SHISA6: variants seen among roughly 807,000 people sequenced by gnomAD.
SHISA6 encodes the protein protein shisa-6.
A neutral mutation model predicts 47.9 loss-of-function variants in SHISA6; 22 were observed. The ratio of observed to expected loss-of-function variants is 0.46; its 90% CI spans 0.33 to 0.66. The LOEUF (loss-of-function observed/expected upper bound fraction) is 0.66. Among genes scored for constraint, SHISA6 ranks in the 30% least tolerant of loss-of-function variants. The pLI, the probability that SHISA6 is intolerant of heterozygous loss-of-function variation, is 0.02. For missense variants in SHISA6, 680 were observed against 764.6 expected, an observed-to-expected ratio of 0.89 and a Z score of 1.30; for synonymous variants, 388 against 337.8, an observed-to-expected ratio of 1.15 and a Z score of -1.63.
intron 3 of SHISA6, among the ~76,000 whole-genome samples, chr17:11,461,827 G>T (rs1333153393): frequency 6.6e-6 from 1 of 152,182 alleles, no homozygotes; most frequent in African/African-American, 2.4e-5. Flanking sequence ...CTTACGAAAA[G>T]CATGCTCTCC....
At position 11,364,002 on chromosome 17, in the gene SHISA6, A is replaced by T. The variant is rs373417655; in HGVS notation, c.800-15412A>T. Among the ~76,000 whole-genome samples the T allele has an allele frequency of 4.6e-5, 7 of 152,196 alleles. No homozygotes were observed. In the East Asian group the frequency reaches 9.6e-4, roughly 21 times the overall value. On this transcript the variant is annotated intron_variant, in intron 2 of 5. Coordinates refer to ENST00000441885, the MANE Select transcript of SHISA6 (RefSeq NM_207386.4). ...ACAGAGCTGGAGCACTGCCACCTCA[A>T]TAAAGCTGTTTCCTTCTACCACCAG... is the stretch of plus-strand genomic sequence containing the variant.
At chr17:11,461,770 C>T (rs541878759) in intron 3 of SHISA6, among the ~76,000 whole-genome samples, 41 of 152,074 alleles carry the variant, frequency 2.7e-4, no homozygotes, top group African/African-American at 8.9e-4. Context: ...AGTTTGAGAG[C>T]CCAGTAGAGG....
chr17:11,492,006 T>C (rs549185471), intron 3 of SHISA6, among the ~76,000 whole-genome samples: 47 of 152,220 alleles, frequency 3.1e-4, no homozygotes, highest in African/African-American at 1.1e-3. Flanking sequence ...CTTGACCTCA[T>C]GATCCACCCT....
At chr17:11,483,660 A>T (rs1473174) in intron 3 of SHISA6, among the ~76,000 whole-genome samples, 41,858 of 149,880 alleles carry the variant, frequency 0.28, 5,850 homozygotes, top group African/African-American at 0.34. Flanking sequence ...AACAGTCCTA[A>T]CTATTTACAC....
At chr17:11,413,357 T>C (rs1325965418) in intron 3 of SHISA6, among the ~76,000 whole-genome samples, 1 of 152,206 alleles carries the variant, frequency 6.6e-6, no homozygotes, top group East Asian at 1.9e-4. Context: ...ACCCTCATAG[T>C]TGCTTGATGG....
At chr17:11,462,337 G>A (rs922776905) in intron 3 of SHISA6, among the ~76,000 whole-genome samples, 3 of 152,194 alleles carry the variant, frequency 2.0e-5, no homozygotes, top group African/African-American at 7.2e-5. Context: ...GGGCAAAGAT[G>A]CTTGTCTGTG....
At chr17:11,411,881 A>C (rs1914131158) in intron 3 of SHISA6, among the ~76,000 whole-genome samples, 2 of 152,176 alleles carry the variant, frequency 1.3e-5, no homozygotes, top group Non-Finnish European at 2.9e-5. Context: ...GGATTCTAAT[A>C]GGTGTGTTCA....
chr17:11,271,108 G>A (rs189776456), intron 2 of SHISA6, among the ~76,000 whole-genome samples: 5 of 152,064 alleles, frequency 3.3e-5, no homozygotes, highest in African/African-American at 1.2e-4. Context: ...AGGCGGGAAG[G>A]GTGTGAAACA....
intron 3 of SHISA6, among the ~76,000 whole-genome samples, chr17:11,437,464 C>T (rs1914971664): frequency 6.6e-6 from 1 of 152,208 alleles, no homozygotes; most frequent in African/African-American, 2.4e-5. Flanking sequence ...GTGCCTGCTA[C>T]TGTGACGAAC....
intron 3 of SHISA6, among the ~76,000 whole-genome samples, chr17:11,392,648 C>A (rs1352659128): frequency 6.6e-6 from 1 of 152,134 alleles, no homozygotes; most frequent in South Asian, 2.1e-4. Flanking sequence ...GAATCGTGAG[C>A]GAAATAAACC....
At chr17:11,557,325 G>A (rs1340348516) in intron 5 of SHISA6, among the ~76,000 whole-genome samples, 1 of 152,202 alleles carries the variant, frequency 6.6e-6, no homozygotes, top group Non-Finnish European at 1.5e-5. Flanking sequence ...TTCTGTTTCA[G>A]GACCATGGTG....
chr17:11,535,603 C>G (rs2071779793), intron 3 of SHISA6, among the ~76,000 whole-genome samples: 1 of 152,172 alleles, frequency 6.6e-6, no homozygotes, highest in Non-Finnish European at 1.5e-5. Flanking sequence ...AAACCTAGAT[C>G]CCACTAGAAA....
At chr17:11,300,201 C>T (rs1037292754) in intron 2 of SHISA6, among the ~76,000 whole-genome samples, 8 of 151,194 alleles carry the variant, frequency 5.3e-5, no homozygotes, top group Non-Finnish European at 7.4e-5. Flanking sequence ...AAAGGCAACA[C>T]CTTCACAGGT....
intron 1 of SHISA6, among the ~76,000 whole-genome samples, chr17:11,252,489 C>T (rs554182440): frequency 1.3e-5 from 2 of 152,202 alleles, no homozygotes; most frequent in Admixed American, 6.5e-5. Flanking sequence ...AAAGGCTTGG[C>T]GGAGGGAGGG....
intron 2 of SHISA6, among the ~76,000 whole-genome samples, chr17:11,301,555 G>A (rs1304374537): frequency 6.6e-6 from 1 of 152,200 alleles, no homozygotes; most frequent in Non-Finnish European, 1.5e-5. Flanking sequence ...CACCGTGCAT[G>A]AATGAGTCTT....
chr17:11,549,045 C>T lies in SHISA6; in HGVS notation c.896-2851C>T, dbSNP rs774179373. 2.6e-5 allele frequency among the ~76,000 whole-genome samples: 4 copies of T among 152,292 alleles called. No homozygotes were observed. In the South Asian group the frequency reaches 6.2e-4, roughly 24 times the overall value. On this transcript the variant is annotated intron_variant, in intron 3 of 5. Coordinates refer to ENST00000441885, the MANE Select transcript of SHISA6 (RefSeq NM_207386.4). The stretch of plus-strand genomic sequence containing the variant: ...ATAAAAATGCCACAGCCAATTGTCT[C>T]ACACAATTGTCATTCTGCATACATG...
chr17:11,554,852 A>G lies in SHISA6; in HGVS notation c.953-888A>G, dbSNP rs142069163. Among the ~76,000 whole-genome samples, 195 of 151,932 alleles carry G rather than the reference A, an allele frequency of 1.3e-3. 1 individual carries two copies. Among genetic ancestry groups the G allele is most frequent in the Non-Finnish European group, 2.0e-3 (139 of 67,934 alleles). The stretch of plus-strand genomic sequence containing the variant: ...CACCGGCCCTGCATGCCCCCTCTCC[A>G]GATGTCATTCATCTGGCCCTGAGCC... On this transcript the variant is annotated intron_variant, in intron 4 of 5. Coordinates refer to ENST00000441885, the MANE Select transcript of SHISA6 (RefSeq NM_207386.4).
At chr17:11,327,921 G>C (rs898379621) in intron 2 of SHISA6, among the ~76,000 whole-genome samples, 3 of 149,724 alleles carry the variant, frequency 2.0e-5, no homozygotes, top group Non-Finnish European at 4.5e-5. Context: ...CTCTCTCTCT[G>C]TCTCTCTCTC....
chr17:11,486,379 G>A (rs941124071), intron 3 of SHISA6, among the ~76,000 whole-genome samples: 20 of 152,168 alleles, frequency 1.3e-4, no homozygotes, highest in African/African-American at 9.7e-5. Flanking sequence ...CGGGGCCAGG[G>A]ACCCGGGTCT....
Sources: allele counts gnomAD v4.1 joint callset (sites outside exome capture counted in the v4.1 genomes callset), GRCh38; gene constraint gnomAD v4.1.1; transcripts MANE v1.5; gene names NCBI Gene and HGNC (gene_info 2026-07-23, HGNC 2026-07-21).